NEK1: variants seen among roughly 807,000 people sequenced by gnomAD.
NEK1 encodes NIMA related kinase 1.
A neutral mutation model predicts 182.1 loss-of-function variants in NEK1; 137 were observed. The observed-to-expected ratio is 0.75, with a 90% CI of 0.65 to 0.87. The LOEUF (loss-of-function observed/expected upper bound fraction) is 0.87. Ranked by LOEUF, NEK1 falls within the 40% of genes least tolerant of loss-of-function variation. NEK1 has a pLI of 0.00. For synonymous variants in NEK1, 513 were observed against 492.2 expected, an observed-to-expected ratio of 1.04 and a Z score of -0.56; for missense variants, 1,391 against 1,494.4, an observed-to-expected ratio of 0.93 and a Z score of 1.14.
At chr4:169,498,082 G>A (rs1751700098) in intron 23 of NEK1, among the ~76,000 whole-genome samples, 1 of 152,184 alleles carries the variant, frequency 6.6e-6, no homozygotes, top group African/African-American at 2.4e-5. Context: ...TTATGAATCT[G>A]GGTGCTCCTG....
chr4:169,563,449 T>G (rs1048640263), intron 12 of NEK1, among the ~76,000 whole-genome samples: 5 of 152,324 alleles, frequency 3.3e-5, no homozygotes, highest in Non-Finnish European at 4.4e-5. Flanking sequence ...TTTTACATGT[T>G]GCCCTTCCAT....
chr4:169,532,455 T>C (rs150068358), intron 19 of NEK1, among the ~76,000 whole-genome samples: 22 of 152,272 alleles, frequency 1.4e-4, no homozygotes, highest in African/African-American at 4.1e-4. Context: ...TGAGCGGTAA[T>C]GTAAACTATG....
intron 23 of NEK1, among the ~76,000 whole-genome samples, chr4:169,486,920 T>C (rs995875901): frequency 1.3e-5 from 2 of 152,182 alleles, no homozygotes; most frequent in Non-Finnish European, 2.9e-5. Context: ...GCTACCCTTT[T>C]AAAAAACTGA....
At chr4:169,505,833 T>C (rs1753162542) in intron 23 of NEK1, among the ~76,000 whole-genome samples, 1 of 152,112 alleles carries the variant, frequency 6.6e-6, no homozygotes, top group Non-Finnish European at 1.5e-5. Context: ...TCTGCAAATA[T>C]TAGCAATATT....
At position 169,518,512 on chromosome 4, in the gene NEK1, C is replaced by T. The variant is rs1432507357; in HGVS notation, c.1666-9660G>A. 3.0e-5 allele frequency among the ~76,000 whole-genome samples: 3 copies of T among 101,538 alleles called. No individual in the cohort carries two copies. In the East Asian group the frequency reaches 8.6e-4, roughly 29 times the overall value. The allele number at this position is 101,538 out of a possible 152,430, so 66.6% of individuals were successfully genotyped here. A position where few individuals can be genotyped will look rare whatever the true frequency, so the allele number is the denominator to read the frequency against. On this transcript the variant is annotated intron_variant, in intron 19 of 35. Coordinates refer to ENST00000507142, the MANE Select transcript of NEK1 (RefSeq NM_001199397.3). ...TTTTGTGTCTCTATTTCCTTCAGTT[C>T]TGCTCTGATTTTAGTTATTTCTTGC...
intron 31 of NEK1, among the ~76,000 whole-genome samples, chr4:169,419,646 A>C (rs983502930): frequency 1.3e-5 from 2 of 152,208 alleles, no homozygotes; most frequent in African/African-American, 2.4e-5. Context: ...CTTAACAAAG[A>C]TACGTTACGA....
intron 31 of NEK1, among the ~76,000 whole-genome samples, chr4:169,418,336 C>T (rs1192557061): frequency 6.6e-6 from 1 of 151,934 alleles, no homozygotes; most frequent in Non-Finnish European, 1.5e-5. Flanking sequence ...ATAGTAATAA[C>T]AAAAAAATCA....
rs764029634 is a variant in NEK1, at chr4:169,438,225, T to A, written c.2622A>T (p.Leu874Phe). ...ATTGTACTTTTTTTTCTCCAGTAAT[T>A]AAGGGTTTGTACTTTTCCCCTTCGG... Reference protein sequence around the residue: ...ISPEGEKYKPLITGEKKVQCI... With the variant: ...ISPEGEKYKPFITGEKKVQCI... Residue 874 changes from leucine (L) to phenylalanine (F), a missense_variant, in exon 28 of 36, where the codon TTA becomes TTT. Around this residue, in one of 5 missense-constraint regions of NEK1, gnomAD observed 1,216 missense variants for 1,277.6 expected, o/e 0.95. Transcript: ENST00000507142. The A allele has an allele frequency of 3.2e-6, 5 of 1,564,498 alleles. No homozygotes were observed. In the South Asian group the frequency reaches 4.7e-5, roughly 15 times the overall value.
At chr4:169,490,298 C>T (rs1050854273) in intron 23 of NEK1, among the ~76,000 whole-genome samples, 3 of 152,128 alleles carry the variant, frequency 2.0e-5, no homozygotes, top group African/African-American at 7.2e-5. Context: ...ATGCACCCTG[C>T]TCAACTGACC....
chr4:169,596,795 T>A (rs1342866402), intron 5 of NEK1, among the ~76,000 whole-genome samples: 1 of 152,212 alleles, frequency 6.6e-6, no homozygotes, highest in Non-Finnish European at 1.5e-5. Context: ...CTTCCTATTT[T>A]AAATAGGCTA....
At chr4:169,593,988 CAA>C (rs1218657771) in intron 5 of NEK1, among the ~76,000 whole-genome samples, 21 of 74,246 alleles carry the variant, frequency 2.8e-4, no homozygotes, top group African/African-American at 5.4e-4. Flanking sequence ...GACTCCGTCT[CAA>C]AAAAAAAAAA....
intron 16 of NEK1, among the ~76,000 whole-genome samples, chr4:169,559,384 C>T (rs1279818542): frequency 6.6e-6 from 1 of 152,114 alleles, no homozygotes; most frequent in Non-Finnish European, 1.5e-5. Flanking sequence ...CATTCCTGAT[C>T]ATTCAGGAGG....
At position 169,503,418 on chromosome 4, in the gene NEK1, T is replaced by C. The variant is rs577910196; in HGVS notation, c.2007+3619A>G. Among the ~76,000 whole-genome samples the C allele has an allele frequency of 2.6e-5, 4 of 152,070 alleles. No individual in the cohort carries two copies. The East Asian group carries it at 5.8e-4, about 22-fold the overall frequency. On this transcript the variant is annotated intron_variant, in intron 23 of 35. Transcript: ENST00000507142. ...ACAAAAGACCCAGAATAGCCAAAGTTATCCTGAGCAAAAAGAACAAAACTG... is the reference window on the plus strand; with the variant it reads ...ACAAAAGACCCAGAATAGCCAAAGTCATCCTGAGCAAAAAGAACAAAACTG...
rs1210271628 is a variant in NEK1 at position 169,496,257 on chromosome 4, T to C, written c.2007+10780A>G. Among the ~76,000 whole-genome samples the C allele has an allele frequency of 8.1e-4, 123 of 152,262 alleles. 1 individual carries two copies. The highest frequency in any genetic ancestry group is 4.4e-5 in the Non-Finnish European group (3 of 68,042). On this transcript the variant is annotated intron_variant, in intron 23 of 35. Transcript: ENST00000507142. ...GTGATTTTTGCACATTGATTTTGTA[T>C]CCTGAGACTTTGCTGAAGTTGCCTA... is the stretch of plus-strand genomic sequence containing the variant.
intron 18 of NEK1, chr4:169,555,136 A>G (rs1761985120): frequency 6.5e-6 from 1 of 152,782 alleles, no homozygotes; most frequent in Non-Finnish European, 1.5e-5. Flanking sequence ...TCTGTATATA[A>G]TTTATAATGT....
intron 19 of NEK1, among the ~76,000 whole-genome samples, chr4:169,523,590 G>A (rs1756437271): frequency 6.6e-6 from 1 of 152,182 alleles, no homozygotes; most frequent in Non-Finnish European, 1.5e-5. Flanking sequence ...ACTGATCTTG[G>A]ACTTCTTGCC....
At chr4:169,541,718 A>C (rs190529514) in intron 18 of NEK1, among the ~76,000 whole-genome samples, 1 of 152,272 alleles carries the variant, frequency 6.6e-6, no homozygotes, top group East Asian at 1.9e-4. Flanking sequence ...AGACAAAAGA[A>C]CCATTCAGAT....
chr4:169,532,815 G>C (rs923300275), intron 19 of NEK1, among the ~76,000 whole-genome samples: 8 of 151,518 alleles, frequency 5.3e-5, no homozygotes, highest in Admixed American at 5.3e-4. Context: ...AGCCGGGCAT[G>C]ATGGCACGCG....
At chr4:169,470,289 T>G (rs1257611003) in intron 26 of NEK1, among the ~76,000 whole-genome samples, 1 of 152,180 alleles carries the variant, frequency 6.6e-6, no homozygotes, top group Non-Finnish European at 1.5e-5. Context: ...CCAAGTTTAG[T>G]GCTTCCTTCA....
Sources: allele counts gnomAD v4.1 joint callset (sites outside exome capture counted in the v4.1 genomes callset), GRCh38; gene constraint gnomAD v4.1.1; regional missense constraint gnomAD v4.1.1; transcripts MANE v1.5; gene names NCBI Gene and HGNC (gene_info 2026-07-23, HGNC 2026-07-21).